ANO2: variants seen among roughly 807,000 people sequenced by gnomAD.
ANO2 encodes anoctamin 2.
ANO2 carries 101 observed loss-of-function variants against 124.2 expected under a neutral mutation model. The ratio of observed to expected loss-of-function variants is 0.81; its 90% CI spans 0.69 to 0.96. The LOEUF (loss-of-function observed/expected upper bound fraction) is 0.96. ANO2 is among the 40% of genes least tolerant of loss of function. ANO2 has a pLI of 0.00. For synonymous variants in ANO2, 486 were observed against 482.5 expected (o/e 1.01, Z -0.09); for missense variants, 1,293 against 1,274.5 (o/e 1.01, Z -0.22).
chr12:5,870,238 TC>T (rs1281569402), intron 3 of ANO2: 3 of 152,210 alleles, frequency 2.0e-5, no homozygotes, highest in Non-Finnish European at 4.4e-5. Flanking sequence ...CTCTGACCAT[TC>T]TGAGAGGCCT....
intron 4 of ANO2, among the ~76,000 whole-genome samples, chr12:5,840,898 G>A (rs1591680960): frequency 1.3e-5 from 2 of 152,254 alleles, no homozygotes; most frequent in Middle Eastern, 6.8e-3. Context: ...AGGTAGGGCT[G>A]GGCTGAAGAC....
At chr12:5,795,046 G>GA (rs200577203) in intron 10 of ANO2, among the ~76,000 whole-genome samples, 3,118 of 152,280 alleles carry the variant, frequency 0.02, 48 homozygotes, top group Middle Eastern at 0.071. Context: ...TCAGGAGGGT[G>GA]GAAGCAGAGC....
At chr12:5,816,503 G>A (rs1953615137) in intron 7 of ANO2, among the ~76,000 whole-genome samples, 1 of 152,112 alleles carries the variant, frequency 6.6e-6, no homozygotes, top group African/African-American at 2.4e-5. Flanking sequence ...AGTGGCTACT[G>A]TGAAGTTAAC....
chr12:5,748,870 C>CAAAAAAAAAAAA (rs60191649), intron 11 of ANO2, among the ~76,000 whole-genome samples: 2 of 101,648 alleles, frequency 2.0e-5, no homozygotes, highest in Non-Finnish European at 1.9e-5. Flanking sequence ...CTTCACCCTC[C>CAAAAAAAAAAAA]AAAAAAAAAA....
intron 10 of ANO2, among the ~76,000 whole-genome samples, chr12:5,772,098 A>T (rs905274242): frequency 1.1e-4 from 17 of 152,232 alleles, no homozygotes; most frequent in African/African-American, 4.1e-4. Context: ...AGATTTTTTA[A>T]TAAAGAGGAA....
At chr12:5,724,264 T>C (rs1042056491) in intron 14 of ANO2, among the ~76,000 whole-genome samples, 7 of 152,132 alleles carry the variant, frequency 4.6e-5, no homozygotes, top group Non-Finnish European at 7.4e-5. Flanking sequence ...CGAGAAACCC[T>C]AAGAAGAGGC....
At chr12:5,836,039 G>C (rs958324672) in intron 4 of ANO2, among the ~76,000 whole-genome samples, 7 of 149,638 alleles carry the variant, frequency 4.7e-5, no homozygotes, top group African/African-American at 1.7e-4. Context: ...GATGGACTCT[G>C]TCCTCCAGAT....
chr12:5,736,168 G>T (rs903272685), intron 13 of ANO2, among the ~76,000 whole-genome samples: 2 of 152,326 alleles, frequency 1.3e-5, no homozygotes, highest in Admixed American at 1.3e-4. Context: ...ACCTGCACTG[G>T]CCCAGGGGGG....
chr12:5,582,472 C>G (rs939158900), intron 20 of ANO2, among the ~76,000 whole-genome samples: 1 of 152,124 alleles, frequency 6.6e-6, no homozygotes, highest in Non-Finnish European at 1.5e-5. Flanking sequence ...TTAAACTAAC[C>G]AAGACAATAT....
rs146226939 is a variant in ANO2, at chr12:5,853,387, G to A, written c.633+656C>T. Among the ~76,000 whole-genome samples, 56 of 151,922 alleles carry A rather than the reference G, an allele frequency of 3.7e-4. 1 individual carries two copies. The East Asian group carries it at 8.9e-3, about 24-fold the overall frequency. ...CAAACATCATCTAAACTGTGTGGCT[G>A]TCAACCCAGATGTGCATCATCCTGG... On this transcript the variant is annotated intron_variant, in intron 4 of 24. Transcript: ENST00000682330.
intron 10 of ANO2, among the ~76,000 whole-genome samples, chr12:5,783,643 G>A (rs1952464155): frequency 6.6e-6 from 1 of 152,178 alleles, no homozygotes; most frequent in Non-Finnish European, 1.5e-5. Flanking sequence ...AGAAGATGGG[G>A]CCACCCTTGA....
chr12:5,568,347 T>A (rs958029042), intron 23 of ANO2, among the ~76,000 whole-genome samples: 7 of 151,986 alleles, frequency 4.6e-5, no homozygotes, highest in Non-Finnish European at 1.0e-4. Context: ...TTCACTGTGT[T>A]AGCCAAGATG....
At chr12:5,615,116 T>C (rs1944734637) in intron 17 of ANO2, 70 bp downstream of exon 17, 1 of 1,272,250 alleles carries the variant, frequency 7.9e-7, no homozygotes, top group Non-Finnish European at 1.1e-6. Context: ...GCTGACCCTA[T>C]TGTCCTGACA....
chr12:5,897,118 T>C (rs184067436), intron 3 of ANO2, among the ~76,000 whole-genome samples: 9 of 151,900 alleles, frequency 5.9e-5, no homozygotes, highest in African/African-American at 1.7e-4. Context: ...ATCAGATAGA[T>C]GCAGAGACAT....
chr12:5,754,666 T>C (rs1951526875), intron 10 of ANO2, among the ~76,000 whole-genome samples: 1 of 152,174 alleles, frequency 6.6e-6, no homozygotes, highest in African/African-American at 2.4e-5. Context: ...TGATTCAATC[T>C]TGTTGATTAT....
intron 15 of ANO2, among the ~76,000 whole-genome samples, chr12:5,639,843 G>A (rs1946239384): frequency 6.6e-6 from 1 of 152,176 alleles, no homozygotes; most frequent in African/African-American, 2.4e-5. Context: ...CAGGGGCAGT[G>A]TGCAAATAGG....
At chr12:5,772,154 C>CA (rs555162296) in intron 10 of ANO2, among the ~76,000 whole-genome samples, 12 of 147,694 alleles carry the variant, frequency 8.1e-5, no homozygotes, top group East Asian at 5.9e-4. Context: ...TAATGCAGAG[C>CA]AAAAAAAAAT....
Position 5,759,674 on chromosome 12 carries a change from C to A in ANO2, c.1056-8704G>T, listed in dbSNP as rs138681177. 2.0e-5 allele frequency among the ~76,000 whole-genome samples: 3 copies of A among 150,530 alleles called. No individual in the cohort carries two copies. The East Asian group carries it at 5.8e-4, about 29-fold the overall frequency. On this transcript the variant is annotated intron_variant, in intron 10 of 24. Transcript: ENST00000682330. The stretch of plus-strand genomic sequence containing the variant: ...TGATCTGAGGTAGAACAATTTCATC[C>A]CAAAACTATTCTCCCACTGTCCCCA...
At chr12:5,743,066 T>C (rs565466709) in intron 12 of ANO2, among the ~76,000 whole-genome samples, 1 of 152,128 alleles carries the variant, frequency 6.6e-6, no homozygotes, top group East Asian at 1.9e-4. Flanking sequence ...ATCTTTCCAA[T>C]CAAGTTCTGT....
Sources: gnomAD v4.1 joint callset for allele counts (sites outside exome capture counted in the v4.1 genomes callset) on GRCh38, gnomAD v4.1.1 for gene constraint, MANE v1.5 for transcripts, NCBI Gene and HGNC (gene_info 2026-07-23, HGNC 2026-07-21) for gene names.